PLXDC2: variants seen among roughly 807,000 people sequenced by gnomAD.
PLXDC2 encodes plexin domain containing 2.
In PLXDC2, 40 loss-of-function variants were observed where a neutral mutation model predicts 68.9. That is an observed-to-expected ratio of 0.58 (90% CI 0.45 to 0.76). PLXDC2 has a LOEUF of 0.76. PLXDC2 is among the 30% of genes least tolerant of loss of function. The probability of loss-of-function intolerance (pLI) is 0.00; values close to 1 mark genes in which losing one functional copy is unlikely to be tolerated. For missense variants in PLXDC2, 644 were observed against 661.9 expected, an observed-to-expected ratio of 0.97 and a Z score of 0.30; for synonymous variants, 243 against 234.2, an observed-to-expected ratio of 1.04 and a Z score of -0.34.
At chr10:20,061,073 C>A (rs1836093697) in intron 3 of PLXDC2, among the ~76,000 whole-genome samples, 1 of 152,130 alleles carries the variant, frequency 6.6e-6, no homozygotes. Flanking sequence ...TAGATTTCAC[C>A]TAGTGCCATA....
At chr10:20,226,001 T>C (rs1259511060) in intron 12 of PLXDC2, among the ~76,000 whole-genome samples, 4 of 152,168 alleles carry the variant, frequency 2.6e-5, no homozygotes, top group Admixed American at 6.5e-5. Context: ...ACTTTGATAA[T>C]GCAGTTGCCA....
intron 9 of PLXDC2, among the ~76,000 whole-genome samples, chr10:20,185,603 G>C (rs1834671770): frequency 1.3e-5 from 2 of 152,008 alleles, no homozygotes; most frequent in African/African-American, 4.8e-5. Flanking sequence ...GTTAGAGTCA[G>C]TATAATTGTT....
intron 13 of PLXDC2, among the ~76,000 whole-genome samples, chr10:20,255,348 A>G (rs1035923340): frequency 6.6e-6 from 1 of 152,154 alleles, no homozygotes; most frequent in African/African-American, 2.4e-5. Context: ...TTTTAAGGAC[A>G]TATGTCTTAA....
intron 13 of PLXDC2, among the ~76,000 whole-genome samples, chr10:20,272,091 G>A (rs1835947825): frequency 6.6e-6 from 1 of 152,116 alleles, no homozygotes; most frequent in South Asian, 2.1e-4. Flanking sequence ...TGGTGTCAGA[G>A]CAAGAGGGCT....
At chr10:20,093,377 A>G (rs1046207681) in intron 4 of PLXDC2, among the ~76,000 whole-genome samples, 2 of 152,070 alleles carry the variant, frequency 1.3e-5, no homozygotes, top group African/African-American at 4.8e-5. Context: ...CAATATCTAT[A>G]TTAATATTTT....
chr10:20,164,653 T>A, intron 7 of PLXDC2, 86 bp downstream of exon 7: 4 of 1,002,660 alleles, frequency 4.0e-6, no homozygotes, highest in Admixed American at 2.1e-5. Context: ...TGTACCTGAA[T>A]TAAAAAAAAA....
At chr10:19,888,151 A>G (rs767809273) in intron 1 of PLXDC2, among the ~76,000 whole-genome samples, 4 of 152,214 alleles carry the variant, frequency 2.6e-5, no homozygotes, top group African/African-American at 4.8e-5. Flanking sequence ...CTTTAATTTT[A>G]AAAAACAAAC....
At chr10:19,848,024 A>G (rs758168882) in intron 1 of PLXDC2, among the ~76,000 whole-genome samples, 1 of 152,188 alleles carries the variant, frequency 6.6e-6, no homozygotes, top group African/African-American at 2.4e-5. Context: ...CCATTTTCAT[A>G]CATTAGAAAT....
intron 4 of PLXDC2, chr10:20,071,209 G>A (rs1836310803): frequency 6.6e-6 from 1 of 152,190 alleles, no homozygotes; most frequent in Admixed American, 6.5e-5. Flanking sequence ...TAGCTTGCTT[G>A]CTCTTTCTTT....
At chr10:20,087,818 C>G (rs1453988034) in intron 4 of PLXDC2, among the ~76,000 whole-genome samples, 1 of 152,122 alleles carries the variant, frequency 6.6e-6, no homozygotes, top group Non-Finnish European at 1.5e-5. Flanking sequence ...TTTTCATGGC[C>G]CATTTGTATT....
chr10:19,915,098 T>C (rs556126311), intron 1 of PLXDC2, among the ~76,000 whole-genome samples: 2 of 152,228 alleles, frequency 1.3e-5, no homozygotes, highest in Non-Finnish European at 2.9e-5. Flanking sequence ...CTGGTATATT[T>C]AGAACATTTA....
intron 1 of PLXDC2, among the ~76,000 whole-genome samples, chr10:19,840,049 G>A (rs1228167072): frequency 1.3e-5 from 2 of 152,144 alleles, no homozygotes; most frequent in Non-Finnish European, 2.9e-5. Context: ...GGAACCCAAA[G>A]GGTTTGTTCA....
At chr10:20,073,886 A>G (rs1836384995) in intron 4 of PLXDC2, among the ~76,000 whole-genome samples, 1 of 152,108 alleles carries the variant, frequency 6.6e-6, no homozygotes, top group African/African-American at 2.4e-5. Context: ...AAGTTTGAGG[A>G]TTTGATTTGT....
chr10:20,194,676 T>G (rs554716730), intron 9 of PLXDC2, among the ~76,000 whole-genome samples: 1 of 152,074 alleles, frequency 6.6e-6, no homozygotes, highest in South Asian at 2.1e-4. Context: ...AGGGTACATG[T>G]GCACAACGTG....
chr10:20,131,165 A>AT (rs35760576), intron 4 of PLXDC2, among the ~76,000 whole-genome samples: 2,191 of 77,056 alleles, frequency 0.028, 48 homozygotes, highest in African/African-American at 0.12. Flanking sequence ...TTTACTTGTT[A>AT]TTTTTTTTTT....
intron 4 of PLXDC2, among the ~76,000 whole-genome samples, chr10:20,130,960 T>G (rs1407129697): frequency 1.3e-5 from 2 of 152,214 alleles, no homozygotes; most frequent in African/African-American, 4.8e-5. Flanking sequence ...CGTTTTCGTC[T>G]GACTTTGGTA....
At chr10:19,829,154 C>CTTTTTTTTTTTTTT (rs71388870) in intron 1 of PLXDC2, among the ~76,000 whole-genome samples, 5 of 94,420 alleles carry the variant, frequency 5.3e-5, no homozygotes, top group African/African-American at 1.8e-4. Context: ...ACGCTTTCCT[C>CTTTTTTTTTTTTTT]TTTTTTTTTT....
chr10:20,076,588 G>A (rs1199884490), intron 4 of PLXDC2, among the ~76,000 whole-genome samples: 1 of 152,084 alleles, frequency 6.6e-6, no homozygotes, highest in Non-Finnish European at 1.5e-5. Flanking sequence ...TCTTTTCAAA[G>A]TGCTTTCTCT....
chr10:20,240,833 A>G (rs1296024828), intron 12 of PLXDC2, among the ~76,000 whole-genome samples: 4 of 152,106 alleles, frequency 2.6e-5, no homozygotes, highest in East Asian at 1.9e-4. Context: ...TGAAATAGTC[A>G]TTGGTATGTG....
Sources: gnomAD v4.1 joint callset for allele counts (sites outside exome capture counted in the v4.1 genomes callset) on GRCh38, gnomAD v4.1.1 for gene constraint, MANE v1.5 for transcripts, NCBI Gene and HGNC (gene_info 2026-07-23, HGNC 2026-07-21) for gene names.